ARHGAP32: variants seen among roughly 807,000 people sequenced by gnomAD.
The protein encoded by ARHGAP32 is Rho GTPase activating protein 32.
A neutral mutation model predicts 186.5 loss-of-function variants in ARHGAP32; 51 were observed. The observed-to-expected ratio is 0.27, with a 90% confidence interval of 0.22 to 0.35. The LOEUF (loss-of-function observed/expected upper bound fraction) is 0.35. Ranked by LOEUF, ARHGAP32 falls within the 10% of genes least tolerant of loss-of-function variation. ARHGAP32 has a pLI of 1.00. For synonymous variants in ARHGAP32, 950 were observed against 964.3 expected (o/e 0.99, Z 0.27); for missense variants, 2,186 against 2,623.5 (o/e 0.83, Z 3.64).
intron 11 of ARHGAP32, among the ~76,000 whole-genome samples, chr11:129,008,266 G>C (rs754234810): frequency 6.6e-6 from 1 of 152,240 alleles, no homozygotes; most frequent in Non-Finnish European, 1.5e-5. Context: ...TCCTCAAGGG[G>C]AAACAATCAG....
At chr11:129,201,749 G>C (rs1206334492) in intron 1 of ARHGAP32, among the ~76,000 whole-genome samples, 1 of 152,160 alleles carries the variant, frequency 6.6e-6, no homozygotes, top group Non-Finnish European at 1.5e-5. Flanking sequence ...GGGAGGCCAA[G>C]GCAGGAAGAT....
chr11:129,123,657 G>A lies in ARHGAP32; in HGVS notation c.360-127C>T, dbSNP rs985313018. On this transcript the variant is annotated intron_variant, in intron 4 of 22. Transcript: ENST00000682385. The surrounding 1 kb of genome is among the most constrained non-coding windows in gnomAD (Gnocchi z 4.6). ...ATATTTCGTAAGCACATGCGCATGA[G>A]CCACACATATCCGCACAAATCCTCT... 6.0e-6 allele frequency: 5 copies of A among 832,222 alleles called. No homozygotes were observed. Among genetic ancestry groups the A allele is most frequent in the Non-Finnish European group, 7.8e-6 (4 of 514,272 alleles). 51.6% of individuals were successfully genotyped at this position (832,222 alleles called of 1,614,324 possible). A position where few individuals can be genotyped will look rare whatever the true frequency, so the allele number is the denominator to read the frequency against.
chr11:128,971,215 T>C, intron 22 of ARHGAP32, 56 bp from the exon 23 acceptor site: 1 of 1,447,108 alleles, frequency 6.9e-7, no homozygotes, highest in Non-Finnish European at 9.4e-7. Context: ...ATGAATCAAG[T>C]ACTATTAAAT....
intron 1 of ARHGAP32, among the ~76,000 whole-genome samples, chr11:129,221,982 G>A (rs939078425): frequency 2.0e-5 from 3 of 152,044 alleles, no homozygotes; most frequent in African/African-American, 7.2e-5. Context: ...GGGACATTGT[G>A]AATATGCAGG....
intron 2 of ARHGAP32, among the ~76,000 whole-genome samples, chr11:129,162,067 G>A (rs754989081): frequency 1.3e-5 from 2 of 152,084 alleles, no homozygotes; most frequent in African/African-American, 4.8e-5. Context: ...AACACTGCAT[G>A]TTCTCACTCA....
At chr11:129,113,619 C>A (rs148730570) in intron 5 of ARHGAP32, among the ~76,000 whole-genome samples, 363 of 151,956 alleles carry the variant, frequency 2.4e-3, no homozygotes, top group African/African-American at 8.6e-3. Context: ...CAAATTGCTG[C>A]AAAACTCTAA....
chr11:129,087,189 C>T (rs1941433828), intron 6 of ARHGAP32, among the ~76,000 whole-genome samples: 2 of 152,308 alleles, frequency 1.3e-5, no homozygotes, highest in South Asian at 2.1e-4. Context: ...TTGGCAGTTT[C>T]TTATAAAACT....
chr11:129,276,732 G>T (rs559976872), intron 1 of ARHGAP32, among the ~76,000 whole-genome samples: 112 of 152,324 alleles, frequency 7.4e-4, no homozygotes, highest in Middle Eastern at 3.4e-3. Flanking sequence ...TTTAAAAACA[G>T]TTCTGCAGAG....
chr11:129,260,952 T>C (rs1945313615), intron 1 of ARHGAP32, among the ~76,000 whole-genome samples: 1 of 152,090 alleles, frequency 6.6e-6, no homozygotes. Context: ...TAAGAAACAG[T>C]TTCCTCCAAA....
At chr11:129,052,058 A>G (rs1940073305) in intron 10 of ARHGAP32, among the ~76,000 whole-genome samples, 1 of 151,494 alleles carries the variant, frequency 6.6e-6, no homozygotes, top group African/African-American at 2.4e-5. Flanking sequence ...TTTATACTTT[A>G]TAAACATTTA....
intron 2 of ARHGAP32, among the ~76,000 whole-genome samples, chr11:129,154,770 C>T (rs76785928): frequency 0.022 from 3,272 of 152,120 alleles, 110 homozygotes; most frequent in Admixed American, 0.083. Context: ...GACTATACAT[C>T]GGGTACAATG....
rs1565433580 is a variant in ARHGAP32 at position 129,123,969 on chromosome 11, T to C, written c.318-40A>G. The C allele has an allele frequency of 7.9e-7, 1 of 1,268,808 alleles. No individual in the cohort carries two copies. Among genetic ancestry groups the C allele is most frequent in the Non-Finnish European group, 1.0e-6 (1 of 971,880 alleles). 78.6% of individuals were successfully genotyped at this position (1,268,808 alleles called of 1,614,324 possible). ...AACATTTTTATCCTTGTCTTTCCTC[T>C]ACTTACACATGAAGCATAACTATCT... On this transcript the variant is annotated intron_variant, in intron 3 of 22. Transcript: ENST00000682385. The surrounding 1 kb of genome is among the most constrained non-coding windows in gnomAD (Gnocchi z 4.6).
At chr11:129,074,048 A>C (rs1273375242) in intron 6 of ARHGAP32, among the ~76,000 whole-genome samples, 1 of 152,198 alleles carries the variant, frequency 6.6e-6, no homozygotes, top group Non-Finnish European at 1.5e-5. Flanking sequence ...AATTGAGAAA[A>C]TTTGTGGCCA....
At chr11:129,112,467 T>G in intron 5 of ARHGAP32, among the ~76,000 whole-genome samples, 1 of 152,166 alleles carries the variant, frequency 6.6e-6, no homozygotes, top group East Asian at 1.9e-4. Flanking sequence ...TAGTTTGTTT[T>G]TTTTTTAAAT....
intron 1 of ARHGAP32, among the ~76,000 whole-genome samples, chr11:129,226,976 A>G (rs143650271): frequency 4.1e-4 from 62 of 152,250 alleles, no homozygotes; most frequent in African/African-American, 1.3e-3. Context: ...GAATGACAGT[A>G]TAAATGTATT....
intron 5 of ARHGAP32, among the ~76,000 whole-genome samples, chr11:129,103,975 C>T (rs561057011): frequency 3.2e-4 from 48 of 152,130 alleles, no homozygotes; most frequent in Admixed American, 5.2e-4. Flanking sequence ...TAGGAAATAT[C>T]TAAGTAACTA....
intron 2 of ARHGAP32, among the ~76,000 whole-genome samples, chr11:129,126,233 CT>C (rs1942657252): frequency 6.6e-6 from 1 of 152,176 alleles, no homozygotes; most frequent in African/African-American, 2.4e-5. Flanking sequence ...GCCACATTAT[CT>C]TTGCCACTAT....
chr11:129,270,931 C>A (rs541537866), intron 1 of ARHGAP32, among the ~76,000 whole-genome samples: 3 of 152,140 alleles, frequency 2.0e-5, no homozygotes, highest in Non-Finnish European at 4.4e-5. Context: ...TGGCCTCTAC[C>A]CACTAGATGC....
chr11:129,073,213 C>T (rs1022289853), intron 6 of ARHGAP32, among the ~76,000 whole-genome samples: 5 of 151,914 alleles, frequency 3.3e-5, no homozygotes, highest in African/African-American at 1.2e-4. Flanking sequence ...AAAATCACAA[C>T]GTGAACTAAA....
Sources: allele counts gnomAD v4.1 joint callset (sites outside exome capture counted in the v4.1 genomes callset), GRCh38; gene constraint gnomAD v4.1.1; non-coding constraint Gnocchi (gnomAD v3.1); transcripts MANE v1.5; gene names NCBI Gene and HGNC (gene_info 2026-07-23, HGNC 2026-07-21).